The following PTPRN2 variants were observed in gnomAD, a reference collection of about 807,000 sequenced individuals.
The protein encoded by PTPRN2 is receptor-type tyrosine-protein phosphatase N2.
Under a neutral mutation model 118.8 loss-of-function variants are expected in PTPRN2, and 74 were observed. That is an observed-to-expected ratio of 0.62 (90% CI 0.52 to 0.76). The LOEUF is 0.76. Ranked by LOEUF, PTPRN2 falls within the 30% of genes least tolerant of loss-of-function variation. PTPRN2 has a pLI of 0.00. For synonymous variants in PTPRN2, 641 were observed against 608.0 expected (o/e 1.05, Z -0.80); for missense variants, 1,481 against 1,394.4 (o/e 1.06, Z -0.99).
intron 2 of PTPRN2, among the ~76,000 whole-genome samples, chr7:158,475,140 G>A (rs1355530096): frequency 1.3e-5 from 2 of 152,152 alleles, no homozygotes; most frequent in Non-Finnish European, 2.9e-5. Context: ...CTGACGCCAC[G>A]GTGGCAGGCG....
In PTPRN2 at chr7:158,191,875, G is replaced by A. The variant is rs12671841; in HGVS notation, c.549+452C>T. On this transcript the variant is annotated intron_variant, in intron 5 of 22. Transcript: ENST00000389418. ...GCCCCCGGGGCAGGCTTGCCGGGGA[G>A]CAGGAGCTTTCCTTGGATGCAGTAG... Among the ~76,000 whole-genome samples, 1,603 of 152,200 alleles carry A rather than the reference G, an allele frequency of 0.011. 89 individuals carry two copies. In the East Asian group the frequency reaches 0.18, roughly 17 times the overall value.
At chr7:158,580,820 C>T (rs929389475) in intron 1 of PTPRN2, among the ~76,000 whole-genome samples, 1 of 152,090 alleles carries the variant, frequency 6.6e-6, no homozygotes, top group African/African-American at 2.4e-5. Context: ...ATGGACACAT[C>T]GAGTAGTGAA....
At chr7:157,830,744 G>A (rs1262759775) in intron 12 of PTPRN2, among the ~76,000 whole-genome samples, 1 of 152,234 alleles carries the variant, frequency 6.6e-6, no homozygotes, top group African/African-American at 2.4e-5. Context: ...AAACGTAAAG[G>A]TAGAAGTATT....
chr7:157,909,211 C>T (rs1797941015), intron 11 of PTPRN2, among the ~76,000 whole-genome samples: 1 of 152,090 alleles, frequency 6.6e-6, no homozygotes, highest in African/African-American at 2.4e-5. Context: ...TAGCTTTATG[C>T]ACATTTGAAT....
intron 17 of PTPRN2, among the ~76,000 whole-genome samples, chr7:157,593,137 G>A (rs1467909366): frequency 1.3e-5 from 2 of 149,700 alleles, no homozygotes; most frequent in African/African-American, 4.9e-5. Flanking sequence ...TGAACTGAGA[G>A]TGGATGTGGG....
At chr7:157,839,823 CTGTG>C (rs1232437222) in intron 12 of PTPRN2, among the ~76,000 whole-genome samples, 28 of 148,764 alleles carry the variant, frequency 1.9e-4, no homozygotes, top group Non-Finnish European at 3.6e-4. Flanking sequence ...CCAGGTGTGA[CTGTG>C]TGGCCACGTG....
At chr7:158,070,969 C>T (rs866198853) in intron 11 of PTPRN2, among the ~76,000 whole-genome samples, 2,102 of 15,444 alleles carry the variant, frequency 0.14, 92 homozygotes, top group Non-Finnish European at 0.15. Flanking sequence ...GAGGTGCTCA[C>T]GGTGGAGGTG....
intron 2 of PTPRN2, among the ~76,000 whole-genome samples, chr7:158,338,672 A>ACC (rs1806152572): frequency 9.5e-5 from 2 of 21,064 alleles, no homozygotes; most frequent in African/African-American, 4.5e-4. Context: ...TCACTCACGT[A>ACC]CACAGTTCTC....
intron 2 of PTPRN2, among the ~76,000 whole-genome samples, chr7:158,318,885 T>C (rs931363869): frequency 6.6e-6 from 1 of 152,220 alleles, no homozygotes; most frequent in Non-Finnish European, 1.5e-5. Context: ...CATCTGTGAG[T>C]AGCCAACGCT....
intron 12 of PTPRN2, among the ~76,000 whole-genome samples, chr7:157,800,678 T>C (rs867430953): frequency 1.6e-3 from 251 of 152,190 alleles, no homozygotes; most frequent in African/African-American, 5.8e-3. Context: ...ACCTGCCGGG[T>C]GCGGTGGCTC....
chr7:157,938,768 A>G (rs1799873938), intron 11 of PTPRN2, among the ~76,000 whole-genome samples: 3 of 152,216 alleles, frequency 2.0e-5, no homozygotes, highest in Admixed American at 2.0e-4. Flanking sequence ...ATTGTTTTTG[A>G]GTAAAAAGAA....
chr7:158,155,874 C>T (rs36156632), intron 6 of PTPRN2, among the ~76,000 whole-genome samples: 94,389 of 151,938 alleles, frequency 0.62, 30,345 homozygotes, highest in East Asian at 0.79. Flanking sequence ...AGAGGACATA[C>T]AGCCCATTTA....
intron 2 of PTPRN2, among the ~76,000 whole-genome samples, chr7:158,366,084 C>T (rs1410547796): frequency 1.5e-4 from 22 of 143,688 alleles, no homozygotes; most frequent in Admixed American, 4.8e-4. Context: ...CACACACACG[C>T]ACACACACAC....
At chr7:158,543,539 T>C (rs547655178) in intron 1 of PTPRN2, among the ~76,000 whole-genome samples, 7 of 152,244 alleles carry the variant, frequency 4.6e-5, no homozygotes, top group Non-Finnish European at 8.8e-5. Context: ...AACTGCATAA[T>C]GTAAAAAAAC....
chr7:158,399,031 G>A (rs1250206840), intron 2 of PTPRN2, among the ~76,000 whole-genome samples: 1 of 152,154 alleles, frequency 6.6e-6, no homozygotes, highest in East Asian at 1.9e-4. Flanking sequence ...AGTGTCCACA[G>A]TGTCTCTTCC....
At chr7:158,492,116 C>T (rs145121915) in intron 1 of PTPRN2, among the ~76,000 whole-genome samples, 1 of 152,208 alleles carries the variant, frequency 6.6e-6, no homozygotes, top group African/African-American at 2.4e-5. Context: ...CCCCTCCCGC[C>T]CCAGGCACAC....
chr7:158,150,613 G>T (rs966734149), intron 6 of PTPRN2, among the ~76,000 whole-genome samples: 1 of 152,136 alleles, frequency 6.6e-6, no homozygotes, highest in Non-Finnish European at 1.5e-5. Context: ...TTCTCCTTAA[G>T]ATCTCGGTGT....
chr7:158,244,915 G>T (rs972028032), intron 3 of PTPRN2, among the ~76,000 whole-genome samples: 20 of 152,190 alleles, frequency 1.3e-4, no homozygotes, highest in African/African-American at 4.8e-4. Context: ...GTGTGACAGA[G>T]CCCCAGTGCC....
intron 12 of PTPRN2, among the ~76,000 whole-genome samples, chr7:157,750,156 T>A (rs1364708947): frequency 1.3e-5 from 2 of 152,116 alleles, no homozygotes; most frequent in Non-Finnish European, 2.9e-5. Flanking sequence ...CTTCGTAATG[T>A]GTATTTTACT....
Sources: allele counts gnomAD v4.1 joint callset (sites outside exome capture counted in the v4.1 genomes callset), GRCh38; gene constraint gnomAD v4.1.1; transcripts MANE v1.5; gene names NCBI Gene and HGNC (gene_info 2026-07-23, HGNC 2026-07-21).